ITGB8: variants seen among roughly 807,000 people sequenced by gnomAD.
ITGB8 encodes integrin subunit beta 8, also known as integrin beta-8.
A neutral mutation model predicts 89.5 loss-of-function variants in ITGB8; 30 were observed. That is an observed-to-expected ratio of 0.34 (90% CI 0.25 to 0.45). ITGB8 has a LOEUF of 0.45. Among genes scored for constraint, ITGB8 ranks in the 20% least tolerant of loss-of-function variants. The pLI is 1.00. For synonymous variants in ITGB8, 335 were observed against 320.4 expected, an observed-to-expected ratio of 1.05 and a Z score of -0.49; for missense variants, 836 against 933.3, an observed-to-expected ratio of 0.90 and a Z score of 1.36.
chr7:20,330,768 C>G (rs949884563), upstream of ITGB8: 1 of 152,282 alleles, frequency 6.6e-6, no homozygotes, highest in Middle Eastern at 3.4e-3. Context: ...GGGGAGGTTT[C>G]CTAGCAACTC....
intron 3 of ITGB8, among the ~76,000 whole-genome samples, chr7:20,372,487 T>A (rs539012625): frequency 6.6e-6 from 1 of 152,266 alleles, no homozygotes; most frequent in South Asian, 2.1e-4. Flanking sequence ...GGGAAATCTG[T>A]ATGAATGAAG....
chr7:20,356,655 A>G (rs1785305089), intron 1 of ITGB8, among the ~76,000 whole-genome samples: 1 of 152,232 alleles, frequency 6.6e-6, no homozygotes, highest in Admixed American at 6.5e-5. Flanking sequence ...GGAGTAACAG[A>G]AGAATCCAGA....
chr7:20,383,692 T>TAGGCATATACC (rs1049918444), intron 6 of ITGB8, among the ~76,000 whole-genome samples: 1 of 152,194 alleles, frequency 6.6e-6, no homozygotes, highest in African/African-American at 2.4e-5. Context: ...GTCATAATTT[T>TAGGCATATACC]AGGCATATAC....
At chr7:20,350,141 AGTTGTT>A (rs374967491) in intron 1 of ITGB8, among the ~76,000 whole-genome samples, 1 of 151,986 alleles carries the variant, frequency 6.6e-6, no homozygotes, top group African/African-American at 2.4e-5. Context: ...CCTGTATTGA[AGTTGTT>A]GTTGTTGTTG....
In ITGB8 at chr7:20,394,080, A is replaced by G. The variant is rs191349541; in HGVS notation, c.1057-816A>G. ...ATAAATGAATTTTTAAAATCTATAA[A>G]TGATACATTTTTCCTTATGACTTGA... On this transcript the variant is annotated intron_variant, in intron 7 of 13. Transcript: ENST00000222573. Among the ~76,000 whole-genome samples, 8 of 152,354 alleles carry G rather than the reference A, an allele frequency of 5.3e-5. No homozygotes were observed. In the East Asian group the frequency reaches 7.7e-4, roughly 15 times the overall value.
At chr7:20,379,420 T>C (rs1278735112) in intron 4 of ITGB8, 123 bp downstream of exon 4, 3 of 559,434 alleles carry the variant, frequency 5.4e-6, no homozygotes, top group African/African-American at 2.0e-5. Flanking sequence ...AATAAAAATA[T>C]TTGGTGAGGT....
At chr7:20,335,174 G>A (rs1023392933) in intron 1 of ITGB8, among the ~76,000 whole-genome samples, 2 of 152,004 alleles carry the variant, frequency 1.3e-5, no homozygotes, top group East Asian at 1.9e-4. Context: ...TACTACTGGA[G>A]GAGGAACACA....
intron 1 of ITGB8, among the ~76,000 whole-genome samples, chr7:20,354,798 A>G (rs552570202): frequency 6.6e-6 from 1 of 152,308 alleles, no homozygotes; most frequent in South Asian, 2.1e-4. Flanking sequence ...TTCCATTTAA[A>G]TCATCATCGT....
chr7:20,406,183 C>G lies in ITGB8; in HGVS notation c.2023+12C>G. On this transcript the variant is annotated intron_variant, in intron 12 of 13. Transcript: ENST00000222573. ...CGACCAAACTTCAGGTAGGCCAAAG[C>G]TTAATAATCAAAGCACAGAAGAGTG... The G allele has an allele frequency of 6.9e-7, 1 of 1,451,838 alleles. No individual in the cohort carries two copies. The highest frequency in any genetic ancestry group is 1.7e-4 in the Middle Eastern group (1 of 5,754). 89.9% of individuals were successfully genotyped at this position (1,451,838 alleles called of 1,614,324 possible). A position where few individuals can be genotyped will look rare whatever the true frequency, so the allele number is the denominator to read the frequency against.
intron 7 of ITGB8, 33 bp from the exon 8 acceptor site, chr7:20,394,863 T>A (rs1461180007): frequency 7.0e-7 from 1 of 1,426,146 alleles, no homozygotes; most frequent in South Asian, 1.1e-5. Context: ...CATACTATTG[T>A]CATTGTTTAA....
intron 10 of ITGB8, among the ~76,000 whole-genome samples, chr7:20,403,060 C>T (rs1004616322): frequency 6.6e-6 from 1 of 152,212 alleles, no homozygotes; most frequent in South Asian, 2.1e-4. Context: ...ACGTAACAAA[C>T]CTATAAAAAA....
chr7:20,349,316 T>C (rs1159338435), intron 1 of ITGB8, among the ~76,000 whole-genome samples: 1 of 151,860 alleles, frequency 6.6e-6, no homozygotes, highest in Non-Finnish European at 1.5e-5. Flanking sequence ...TTAGTATTAC[T>C]ATTGATCATA....
intron 1 of ITGB8, among the ~76,000 whole-genome samples, chr7:20,360,772 C>T (rs540303123): frequency 6.6e-6 from 1 of 152,086 alleles, no homozygotes; most frequent in Admixed American, 6.6e-5. Context: ...AGATTGATTC[C>T]ATATGTTTGC....
chr7:20,391,370 T>C, intron 6 of ITGB8, 33 bp from the exon 7 acceptor site: 1 of 1,216,824 alleles, frequency 8.2e-7, no homozygotes, highest in Non-Finnish European at 1.2e-6. Context: ...CTATGAAATT[T>C]CATTCCCTTA....
At chr7:20,374,996 A>G (rs554905223) in intron 3 of ITGB8, among the ~76,000 whole-genome samples, 37 of 152,358 alleles carry the variant, frequency 2.4e-4, no homozygotes, top group African/African-American at 8.7e-4. Flanking sequence ...AAGGGCAAGG[A>G]TGGATAGGAG....
intron 1 of ITGB8, among the ~76,000 whole-genome samples, chr7:20,333,074 A>C (rs563118671): frequency 3.3e-4 from 50 of 152,280 alleles, no homozygotes; most frequent in African/African-American, 1.2e-3. Context: ...CCTATACTTT[A>C]AAGTGTCAAG....
chr7:20,390,201 G>A (rs999492541), intron 6 of ITGB8, among the ~76,000 whole-genome samples: 5 of 152,098 alleles, frequency 3.3e-5, no homozygotes, highest in African/African-American at 9.7e-5. Context: ...AAAAACTATG[G>A]AGTAATTTGA....
In ITGB8 at chr7:20,347,719, G is replaced by C. The variant is rs1361624852; in HGVS notation, c.127+15786G>C. On this transcript the variant is annotated intron_variant, in intron 1 of 13. Transcript: ENST00000222573. ...TGAGTGGGTTGCCAAGCAGATTGTT[G>C]AAAGTTCAAGACAGAAGCTTGGGTG... Among the ~76,000 whole-genome samples, 4 of 152,324 alleles carry C rather than the reference G, an allele frequency of 2.6e-5. No individual in the cohort carries two copies. The East Asian group carries it at 5.8e-4, about 22-fold the overall frequency.
intron 4 of ITGB8, chr7:20,379,920 G>A (rs751816733): frequency 2.0e-5 from 3 of 152,152 alleles, no homozygotes; most frequent in Non-Finnish European, 2.9e-5. Context: ...AAATACAAGT[G>A]TCTCACACAA....
Sources: allele counts gnomAD v4.1 joint callset (sites outside exome capture counted in the v4.1 genomes callset), GRCh38; gene constraint gnomAD v4.1.1; transcripts MANE v1.5; gene names NCBI Gene and HGNC (gene_info 2026-07-23, HGNC 2026-07-21).